ZNF827: variants seen among roughly 807,000 people sequenced by gnomAD.
ZNF827 encodes zinc finger protein 827.
A neutral mutation model predicts 102.4 loss-of-function variants in ZNF827; 13 were observed. That is an observed-to-expected ratio of 0.13 (90% CI 0.08 to 0.20). The LOEUF (loss-of-function observed/expected upper bound fraction) is 0.20, where lower values mean the gene tolerates loss of function less well. Among genes scored for constraint, ZNF827 ranks in the 10% least tolerant of loss-of-function variants. ZNF827 has a pLI of 1.00. For synonymous variants in ZNF827, 523 were observed against 536.2 expected (o/e 0.98, Z 0.34); for missense variants, 1,103 against 1,344.4 (o/e 0.82, Z 2.81).
Position 145,885,812 on chromosome 4 carries a change from A to C in ZNF827, c.1613T>G (p.Leu538Trp). 6.2e-7 allele frequency: 1 copy of C among 1,613,884 alleles called. No individual in the cohort carries two copies. The highest frequency in any genetic ancestry group is 8.5e-7 in the Non-Finnish European group (1 of 1,179,880). The change falls in exon 4 of 15, where the codon TTG (leucine) becomes TGG (tryptophan). Residue 538 changes from leucine (L) to tryptophan (W), a missense_variant. Transcript: ENST00000508784. ...EDNGLPTSFT[L>W]NAADRPANHT... ...GTTGGCGGGCCTGTCGGCAGCATTC[A>C]AAGTAAAGGAGGTGGGCAGGCCGTT...
intron 1 of ZNF827, among the ~76,000 whole-genome samples, chr4:145,905,687 T>A (rs948454713): frequency 3.3e-5 from 5 of 152,212 alleles, no homozygotes; most frequent in African/African-American, 9.6e-5. Flanking sequence ...GGGCTAATTT[T>A]ATGTTTCTTT....
intron 8 of ZNF827, among the ~76,000 whole-genome samples, chr4:145,821,647 G>A (rs544232690): frequency 1.3e-5 from 2 of 152,104 alleles, no homozygotes; most frequent in East Asian, 3.9e-4. Flanking sequence ...AAAGGTTTTG[G>A]TGAAGTAGGG....
chr4:145,823,700 A>C lies in ZNF827; in HGVS notation c.2280-175T>G, dbSNP rs573538545. Among the ~76,000 whole-genome samples, 16 of 152,386 alleles carry C rather than the reference A, an allele frequency of 1.0e-4. No individual in the cohort carries two copies. The South Asian group carries it at 3.3e-3, about 32-fold the overall frequency. On this transcript the variant is annotated intron_variant, in intron 7 of 14. Coordinates refer to ENST00000508784, the MANE Select transcript of ZNF827 (RefSeq NM_001306215.2). ...AATGGAGAAAAAGAAAAGTCATTAC[A>C]TCAGACAAGTGCCAGCTGTACCTTC... is the stretch of plus-strand genomic sequence containing the variant.
Position 145,764,845 on chromosome 4 carries a change from G to A in ZNF827, c.3230+143C>T, listed in dbSNP as rs754114411. 8.4e-6 allele frequency: 9 copies of A among 1,076,162 alleles called. No individual in the cohort carries two copies. The African/African-American group carries it at 1.4e-4, about 17-fold the overall frequency. 66.7% of individuals were successfully genotyped at this position (1,076,162 alleles called of 1,614,324 possible). On this transcript the variant is annotated intron_variant, in intron 13 of 14. Transcript: ENST00000508784. ...GTCTAATTCAATCCAGCTAAAGGCA[G>A]CAGGGGTTCCTGACTAACTCCTCTC...
intron 1 of ZNF827, among the ~76,000 whole-genome samples, chr4:145,937,347 C>T (rs968164671): frequency 6.6e-6 from 1 of 151,952 alleles, no homozygotes; most frequent in African/African-American, 2.4e-5. Context: ...TGCTCAGGCT[C>T]GCCAAGGAGG....
At chr4:145,810,440 A>G (rs1340865507) in intron 8 of ZNF827, among the ~76,000 whole-genome samples, 4 of 152,202 alleles carry the variant, frequency 2.6e-5, no homozygotes, top group African/African-American at 9.6e-5. Flanking sequence ...TTTAGAAATT[A>G]TAAGTGTAAT....
At chr4:145,849,237 G>T (rs1746282617) in intron 6 of ZNF827, 85 bp downstream of exon 6, 12 of 1,342,756 alleles carry the variant, frequency 8.9e-6, no homozygotes, top group Middle Eastern at 2.0e-4. Flanking sequence ...TATAATTCAG[G>T]TTTTTTTTTT....
chr4:145,920,490 C>G (rs1190452041), intron 1 of ZNF827, among the ~76,000 whole-genome samples: 1 of 152,234 alleles, frequency 6.6e-6, no homozygotes, highest in Non-Finnish European at 1.5e-5. Flanking sequence ...GGGCAAGTCT[C>G]CTCAGGAAGG....
At chr4:145,861,293 A>G (rs530159536) in intron 5 of ZNF827, among the ~76,000 whole-genome samples, 4 of 152,350 alleles carry the variant, frequency 2.6e-5, no homozygotes, top group African/African-American at 9.6e-5. Flanking sequence ...CTCCCTCACA[A>G]GACTATAACT....
At chr4:145,781,195 CAAAAAAAAAAAAAAAA>C (rs10605153) in intron 8 of ZNF827, among the ~76,000 whole-genome samples, 3 of 56,546 alleles carry the variant, frequency 5.3e-5, no homozygotes, top group African/African-American at 1.6e-4. Context: ...GACACCATCT[CAAAAAAAAAAAAAAAA>C]AAAAAAGAAA....
At chr4:145,788,101 A>C (rs956528830) in intron 8 of ZNF827, among the ~76,000 whole-genome samples, 1 of 152,220 alleles carries the variant, frequency 6.6e-6, no homozygotes, top group Admixed American at 6.5e-5. Flanking sequence ...ATATGAAATC[A>C]ATGCTAACTG....
chr4:145,866,353 C>A (rs1748195495), intron 5 of ZNF827, among the ~76,000 whole-genome samples: 1 of 152,216 alleles, frequency 6.6e-6, no homozygotes, highest in Admixed American at 6.5e-5. Context: ...TTACCTGTTT[C>A]TAAATATCTC....
chr4:145,859,859 TCAGG>T (rs1165295284), intron 5 of ZNF827, among the ~76,000 whole-genome samples: 3 of 152,112 alleles, frequency 2.0e-5, no homozygotes, highest in Non-Finnish European at 4.4e-5. Flanking sequence ...GAGCTGAACG[TCAGG>T]CAGGAACAGC....
intron 1 of ZNF827, among the ~76,000 whole-genome samples, chr4:145,925,015 G>T (rs915721999): frequency 6.6e-6 from 1 of 152,184 alleles, no homozygotes; most frequent in Non-Finnish European, 1.5e-5. Flanking sequence ...AATGGCTGGG[G>T]AGGCCTCACA....
intron 11 of ZNF827, among the ~76,000 whole-genome samples, chr4:145,768,759 G>A (rs182809286): frequency 6.9e-6 from 1 of 145,590 alleles, no homozygotes; most frequent in East Asian, 2.1e-4. Flanking sequence ...TTGGGAGGGT[G>A]AGGCAGGAGA....
chr4:145,838,744 A>G (rs1291357578), intron 7 of ZNF827, among the ~76,000 whole-genome samples: 1 of 152,238 alleles, frequency 6.6e-6, no homozygotes, highest in African/African-American at 2.4e-5. Flanking sequence ...ATGAAAAAAA[A>G]TCCAGCAAGG....
intron 5 of ZNF827, among the ~76,000 whole-genome samples, chr4:145,855,763 A>T (rs1321209059): frequency 6.6e-6 from 1 of 152,186 alleles, no homozygotes; most frequent in Non-Finnish European, 1.5e-5. Context: ...TCCTTCTTAG[A>T]GAGAAGCAAT....
In ZNF827 at chr4:145,760,720, G is replaced by GTTTTTTT. The variant is rs10715391; in HGVS notation, c.*889_*895dup. 2.8e-6 allele frequency: 2 copies of GTTTTTTT among 706,424 alleles called. No homozygotes were observed. Among genetic ancestry groups the GTTTTTTT allele is most frequent in the Non-Finnish European group, 1.7e-6 (1 of 576,084 alleles). The allele number at this position is 706,424 out of a possible 1,614,324, so 43.8% of individuals were successfully genotyped here. On this transcript the variant is annotated 3_prime_UTR_variant, in exon 15 of 15. Coordinates refer to ENST00000508784, the MANE Select transcript of ZNF827 (RefSeq NM_001306215.2). ...GCTGGGGTTGTGTTTAAGTTTTGTG[G>GTTTTTTT]TTTTTTTTTTTTTTTTTGTCTTTTG...
chr4:145,922,603 T>C (rs1189637362), intron 1 of ZNF827, among the ~76,000 whole-genome samples: 3 of 152,246 alleles, frequency 2.0e-5, no homozygotes, highest in African/African-American at 4.8e-5. Flanking sequence ...TGAGTAAACA[T>C]CTTTTTAATA....
Sources: gnomAD v4.1 joint callset for allele counts (sites outside exome capture counted in the v4.1 genomes callset) on GRCh38, gnomAD v4.1.1 for gene constraint, MANE v1.5 for transcripts, NCBI Gene and HGNC (gene_info 2026-07-23, HGNC 2026-07-21) for gene names.